The following TUSC3 variants were observed in gnomAD, a reference collection of about 807,000 sequenced individuals.
TUSC3 encodes the protein dolichyl-diphosphooligosaccharide--protein glycosyltransferase subunit TUSC3.
In TUSC3, 45 loss-of-function variants were observed where a neutral mutation model predicts 44.8. The observed-to-expected ratio is 1.00, with a 90% CI of 0.79 to 1.29. The LOEUF is 1.29. Ranked by LOEUF, TUSC3 falls within the 50% of genes most tolerant of loss-of-function variation. TUSC3 has a pLI of 0.00. For missense variants in TUSC3, 519 were observed against 437.9 expected, an observed-to-expected ratio of 1.19 and a Z score of -1.65; for synonymous variants, 212 against 152.9, an observed-to-expected ratio of 1.39 and a Z score of -2.85.
intron 8 of TUSC3, among the ~76,000 whole-genome samples, chr8:15,745,333 G>A (rs767755026): frequency 5.3e-5 from 8 of 151,988 alleles, no homozygotes; most frequent in Non-Finnish European, 1.0e-4. Context: ...CCAGTAAGGG[G>A]GTTGCTGGGC....
chr8:15,450,908 C>T (rs753820348), intron 1 of TUSC3, among the ~76,000 whole-genome samples: 5 of 152,070 alleles, frequency 3.3e-5, no homozygotes, highest in Non-Finnish European at 7.4e-5. Context: ...TGAAACATGC[C>T]GCTGCTGAGT....
At chr8:15,669,296 A>G (rs1424416892) in intron 5 of TUSC3, among the ~76,000 whole-genome samples, 3 of 151,844 alleles carry the variant, frequency 2.0e-5, no homozygotes, top group African/African-American at 4.8e-5. Context: ...CTTTCATTCC[A>G]TGATGACTAA....
intron 2 of TUSC3, among the ~76,000 whole-genome samples, chr8:15,522,194 T>C (rs900252353): frequency 1.5e-4 from 23 of 151,986 alleles, no homozygotes; most frequent in African/African-American, 5.6e-4. Flanking sequence ...CCACAAGTCA[T>C]GGGTAAGTGC....
At chr8:15,736,019 C>T (rs879651764) in intron 7 of TUSC3, among the ~76,000 whole-genome samples, 7 of 152,202 alleles carry the variant, frequency 4.6e-5, no homozygotes, top group South Asian at 2.1e-4. Flanking sequence ...TGAGCCACCA[C>T]GCCCGGCGAT....
Position 15,448,108 on chromosome 8 carries a change from C to CATATACATATATATAT in TUSC3, n.91+30808_91+30809insCATATATATATATATA, listed in dbSNP as rs55661131. On this transcript the variant is annotated intron_variant and non_coding_transcript_variant, in intron 1 of 5. Transcript: ENST00000503191. ...ATTCAACTGTATGGTAGTGTATATA[C>CATATACATATATATAT]ATATATATATATTTATTTATTTATT... Among the ~76,000 whole-genome samples, 59 of 96,316 alleles carry CATATACATATATATAT rather than the reference C, an allele frequency of 6.1e-4. 10 individuals carry two copies. The highest frequency in any genetic ancestry group is 1.3e-3 in the African/African-American group (25 of 19,304). 63.2% of individuals were successfully genotyped at this position (96,316 alleles called of 152,430 possible).
chr8:15,692,433 C>T (rs1209498104), intron 6 of TUSC3, among the ~76,000 whole-genome samples: 1 of 107,240 alleles, frequency 9.3e-6, no homozygotes, highest in Non-Finnish European at 1.7e-5. Flanking sequence ...ACCAGCTCTT[C>T]TTTATACATC....
rs1268953533 is a variant in TUSC3 at position 15,581,902 on chromosome 8, C to T, written c.139-41178C>T. Among the ~76,000 whole-genome samples the T allele has an allele frequency of 1.3e-4, 18 of 143,346 alleles. 1 individual carries two copies. Among genetic ancestry groups the T allele is most frequent in the African/African-American group, 5.1e-4 (18 of 35,194 alleles). 94.0% of individuals were successfully genotyped at this position (143,346 alleles called of 152,430 possible). A position where few individuals can be genotyped will look rare whatever the true frequency, so the allele number is the denominator to read the frequency against. ...CCTGGGCAATGGCGGGCGCCCCTCC[C>T]CCAGCCTCGCTGCCGCCTTGCAGTT... is the stretch of plus-strand genomic sequence containing the variant. On this transcript the variant is annotated intron_variant, in intron 1 of 10. Coordinates refer to ENST00000503731, the MANE Select transcript of TUSC3 (RefSeq NM_006765.4).
chr8:15,787,878 T>C, the TUSC3 span, among the ~76,000 whole-genome samples: 1 of 152,234 alleles, frequency 6.6e-6, no homozygotes, highest in Admixed American at 6.5e-5. Flanking sequence ...GCCCAGTATT[T>C]ATTAAGAAAT....
the TUSC3 span, among the ~76,000 whole-genome samples, chr8:15,829,992 C>T: frequency 6.6e-6 from 1 of 152,086 alleles, no homozygotes; most frequent in Non-Finnish European, 1.5e-5. Context: ...GCCATTCTGG[C>T]TGGTGTGAGA....
At chr8:15,780,405 CT>C in the TUSC3 span, among the ~76,000 whole-genome samples, 6 of 152,232 alleles carry the variant, frequency 3.9e-5, no homozygotes, top group East Asian at 1.2e-3. Context: ...GATTCATCAA[CT>C]TGGAACAAAG....
intron 2 of TUSC3, among the ~76,000 whole-genome samples, chr8:15,483,751 G>T (rs1199966787): frequency 7.0e-6 from 1 of 142,958 alleles, no homozygotes; most frequent in East Asian, 2.2e-4. Flanking sequence ...CGCCTCCCGA[G>T]TTCATGCCAT....
intron 2 of TUSC3, among the ~76,000 whole-genome samples, chr8:15,643,974 A>G (rs184555477): frequency 3.9e-5 from 6 of 152,324 alleles, no homozygotes; most frequent in Non-Finnish European, 8.8e-5. Flanking sequence ...AAGACATACA[A>G]TGGTATTTTC....
At chr8:15,756,125 G>A (rs1811918420) in intron 9 of TUSC3, among the ~76,000 whole-genome samples, 1 of 152,162 alleles carries the variant, frequency 6.6e-6, no homozygotes, top group Admixed American at 6.5e-5. Flanking sequence ...GCTCAAGGTT[G>A]GGGTTTAATT....
upstream of TUSC3, among the ~76,000 whole-genome samples, chr8:15,537,635 C>G (rs11784308): frequency 6.6e-6 from 1 of 152,032 alleles, no homozygotes; most frequent in Non-Finnish European, 1.5e-5. Flanking sequence ...GAAAACAAAT[C>G]CCTAGGACCC....
At chr8:15,635,579 A>G (rs112474806) in intron 2 of TUSC3, among the ~76,000 whole-genome samples, 1 of 152,196 alleles carries the variant, frequency 6.6e-6, no homozygotes, top group East Asian at 1.9e-4. Flanking sequence ...AACTAGCACA[A>G]TGTACTCTAA....
At chr8:15,631,669 TG>T (rs1484394834) in intron 2 of TUSC3, among the ~76,000 whole-genome samples, 9 of 6,876 alleles carry the variant, frequency 1.3e-3, no homozygotes, top group South Asian at 5.4e-3. Context: ...TTAAGGCTGT[TG>T]TGTGTGTGTG....
At chr8:15,473,788 A>T (rs1204274483) in intron 1 of TUSC3, among the ~76,000 whole-genome samples, 1 of 152,218 alleles carries the variant, frequency 6.6e-6, no homozygotes, top group Non-Finnish European at 1.5e-5. Flanking sequence ...CTGAGGAAAC[A>T]GGACAAGGCA....
intron 1 of TUSC3, among the ~76,000 whole-genome samples, chr8:15,457,937 G>T (rs2129121387): frequency 6.6e-6 from 1 of 150,676 alleles, no homozygotes; most frequent in East Asian, 1.9e-4. Context: ...CTCCAATGAT[G>T]AATGAATCTT....
chr8:15,483,147 T>C (rs1193173629), intron 1 of TUSC3, among the ~76,000 whole-genome samples: 1 of 152,216 alleles, frequency 6.6e-6, no homozygotes, highest in African/African-American at 2.4e-5. Flanking sequence ...TAACAGCATA[T>C]AAGCTCTTTT....
Sources: allele counts gnomAD v4.1 joint callset (sites outside exome capture counted in the v4.1 genomes callset), GRCh38; gene constraint gnomAD v4.1.1; transcripts MANE v1.5; gene names NCBI Gene and HGNC (gene_info 2026-07-23, HGNC 2026-07-21).